The following EPAS1 variants were observed in gnomAD, a reference collection of about 807,000 sequenced individuals.
EPAS1 encodes endothelial PAS domain protein 1.
EPAS1 carries 23 observed loss-of-function variants against 87.9 expected under a neutral mutation model. The ratio of observed to expected loss-of-function variants is 0.26; its 90% confidence interval spans 0.19 to 0.37. The LOEUF (loss-of-function observed/expected upper bound fraction) is 0.37. Among genes scored for constraint, EPAS1 ranks in the 10% least tolerant of loss-of-function variants. The pLI, the probability that EPAS1 is intolerant of heterozygous loss-of-function variation, is 1.00. For synonymous variants in EPAS1, 508 were observed against 444.3 expected, an observed-to-expected ratio of 1.14 and a Z score of -1.80; for missense variants, 1,138 against 1,120.7, an observed-to-expected ratio of 1.02 and a Z score of -0.22.
At chr2:46,355,863 C>A (rs1684258471) in intron 2 of EPAS1, among the ~76,000 whole-genome samples, 1 of 152,206 alleles carries the variant, frequency 6.6e-6, no homozygotes, top group Admixed American at 6.5e-5. Flanking sequence ...CTTGGGAAAA[C>A]TTCCACCCTG....
chr2:46,360,806 G>T lies in EPAS1; in HGVS notation c.573+50G>T. ...GGAGTCCCAGGTGTAGGGTAACGGC[G>T]GTGCAGGGGATGCCTAAGGCCCTAC... On this transcript the variant is annotated intron_variant, in intron 5 of 15. Transcript: ENST00000263734. The surrounding 1 kb of genome is among the most constrained non-coding windows in gnomAD (Gnocchi z 4.5). 2.5e-6 allele frequency: 4 copies of T among 1,611,794 alleles called. No homozygotes were observed. Among genetic ancestry groups the T allele is most frequent in the Non-Finnish European group, 2.5e-6 (3 of 1,177,958 alleles).
chr2:46,383,229 C>T (rs1391581775), intron 15 of EPAS1, among the ~76,000 whole-genome samples: 1 of 152,166 alleles, frequency 6.6e-6, no homozygotes, highest in East Asian at 1.9e-4. Context: ...TTTGGGGTGT[C>T]ACTCTGAGTT....
At position 46,321,339 on chromosome 2, in the gene EPAS1, G is replaced by A. The variant is rs534535989; in HGVS notation, c.26+23402G>A. The stretch of plus-strand genomic sequence containing the variant: ...GGGTGTTGTGAATCATGGTGAACAT[G>A]GTGTACAATTTGAGTCCCTGCTTTC... On this transcript the variant is annotated intron_variant, in intron 1 of 15. Transcript: ENST00000263734. Among the ~76,000 whole-genome samples the A allele has an allele frequency of 8.5e-5, 13 of 152,296 alleles. No homozygotes were observed. The South Asian group carries it at 1.2e-3, about 15-fold the overall frequency.
chr2:46,382,027 A>G lies in EPAS1; in HGVS notation c.2225A>G (p.Asn742Ser). The change falls in exon 14 of 16, where the codon AAC becomes AGC. Residue 742 changes from asparagine to serine, a missense_variant. Coordinates refer to ENST00000263734, the MANE Select transcript of EPAS1 (RefSeq NM_001430.5). ...CATTTGATGTGGAAACGGATGAAGA[A>G]CCTCAGGGGTGGGAGCTGCCCTTTG... ...TSHLMWKRMKNLRGGSCPLMP... is the reference protein window; with the variant it reads ...TSHLMWKRMKSLRGGSCPLMP... 1 of 1,613,852 alleles carries G rather than the reference A, an allele frequency of 6.2e-7. No homozygotes were observed. The highest frequency in any genetic ancestry group is 8.5e-7 in the Non-Finnish European group (1 of 1,179,976).
chr2:46,340,091 C>T (rs971712576), intron 1 of EPAS1, among the ~76,000 whole-genome samples: 1 of 152,152 alleles, frequency 6.6e-6, no homozygotes, highest in East Asian at 1.9e-4. Context: ...TGTGTACACA[C>T]AGCTTTTCCC....
At chr2:46,359,279 A>AAAAAAAAAAAAAAAAAAAATAT in intron 4 of EPAS1, among the ~76,000 whole-genome samples, 1 of 149,546 alleles carries the variant, frequency 6.7e-6, no homozygotes, top group East Asian at 2.0e-4. Context: ...AAAAAAAAAA[A>AAAAAAAAAAAAAAAAAAAATAT]AAGATCAAAT....
intron 1 of EPAS1, among the ~76,000 whole-genome samples, chr2:46,312,656 C>G (rs1683237631): frequency 6.6e-6 from 1 of 151,900 alleles, no homozygotes; most frequent in African/African-American, 2.4e-5. Flanking sequence ...GACTCTTGCT[C>G]TCAGGCCTTT....
At chr2:46,337,864 T>TC (rs1491295338) in intron 1 of EPAS1, among the ~76,000 whole-genome samples, 1 of 152,146 alleles carries the variant, frequency 6.6e-6, no homozygotes, top group East Asian at 1.9e-4. Flanking sequence ...CTTTTTTTTT[T>TC]CTTTTTCTTT....
At position 46,380,042 on chromosome 2, in the gene EPAS1, GGTC is replaced by G; in HGVS notation, c.1555-182_1555-180del. ...GGGGGAAGGCTGGTACATGATACAA[GGTC>G]GTGTACATGACACAGCCAAGTCTGA... On this transcript the variant is annotated intron_variant, in intron 11 of 15. Transcript: ENST00000263734. The surrounding 1 kb of genome is among the most constrained non-coding windows in gnomAD (Gnocchi z 4.4). 1.2e-6 allele frequency: 1 copy of G among 855,214 alleles called. No homozygotes were observed. Among genetic ancestry groups the G allele is most frequent in the Non-Finnish European group, 1.9e-6 (1 of 515,330 alleles). 53.0% of individuals were successfully genotyped at this position (855,214 alleles called of 1,614,324 possible).
At chr2:46,307,331 G>A (rs1185604042) in intron 1 of EPAS1, among the ~76,000 whole-genome samples, 3 of 152,164 alleles carry the variant, frequency 2.0e-5, no homozygotes, top group Non-Finnish European at 1.5e-5. Flanking sequence ...TTCACCTTTA[G>A]AACCTTTATT....
chr2:46,368,270 T>A (rs1442125792), intron 6 of EPAS1, among the ~76,000 whole-genome samples: 1 of 152,144 alleles, frequency 6.6e-6, no homozygotes, highest in African/African-American at 2.4e-5. Flanking sequence ...CTTTAGCTGG[T>A]CCTGGAGGTG....
intron 2 of EPAS1, among the ~76,000 whole-genome samples, chr2:46,351,502 C>T (rs1349675476): frequency 6.6e-6 from 1 of 152,116 alleles, no homozygotes; most frequent in African/African-American, 2.4e-5. Flanking sequence ...ATCCAGTAAG[C>T]GATCCCAGAG....
chr2:46,354,429 GAA>G (rs1208270962), intron 2 of EPAS1, among the ~76,000 whole-genome samples: 2 of 151,978 alleles, frequency 1.3e-5, no homozygotes, highest in Admixed American at 6.6e-5. Context: ...GTTAAATAAT[GAA>G]CTAGGAGAAG....
chr2:46,353,281 G>T (rs1558598866), intron 2 of EPAS1, among the ~76,000 whole-genome samples: 1 of 152,180 alleles, frequency 6.6e-6, no homozygotes, highest in Non-Finnish European at 1.5e-5. Flanking sequence ...CTCAGCATGT[G>T]GTCCTATGAG....
chr2:46,344,916 G>A (rs1179542947), intron 1 of EPAS1, among the ~76,000 whole-genome samples: 3 of 152,208 alleles, frequency 2.0e-5, no homozygotes, highest in Non-Finnish European at 2.9e-5. Flanking sequence ...GAAGTATGTT[G>A]TAAAATCAAA....
chr2:46,298,514 G>A (rs1572608700), intron 1 of EPAS1, among the ~76,000 whole-genome samples: 1 of 152,356 alleles, frequency 6.6e-6, no homozygotes, highest in South Asian at 2.1e-4. Context: ...CCCCACCGAA[G>A]GTTGGAGAAC....
At position 46,336,140 on chromosome 2, in the gene EPAS1, A is replaced by T. The variant is rs1309383734; in HGVS notation, c.27-10733A>T. 6.6e-5 allele frequency among the ~76,000 whole-genome samples: 10 copies of T among 152,298 alleles called. No homozygotes were observed. The East Asian group carries it at 1.5e-3, about 24-fold the overall frequency. The stretch of plus-strand genomic sequence containing the variant: ...GGGGATGGAGGCCAAGGCAGCTGGG[A>T]TCACTTTTTCTTTCCTCCTTGAGAG... On this transcript the variant is annotated intron_variant, in intron 1 of 15. Coordinates refer to ENST00000263734, the MANE Select transcript of EPAS1 (RefSeq NM_001430.5).
intron 10 of EPAS1, among the ~76,000 whole-genome samples, chr2:46,378,350 GT>G (rs766921576): frequency 2.6e-5 from 4 of 152,246 alleles, no homozygotes; most frequent in Non-Finnish European, 5.9e-5. Context: ...CATCCCGTAT[GT>G]GGCACAGAGC....
chr2:46,308,444 C>T (rs1218076567), intron 1 of EPAS1, among the ~76,000 whole-genome samples: 2 of 131,454 alleles, frequency 1.5e-5, no homozygotes, highest in Middle Eastern at 5.6e-3. Context: ...GCCCTAATAC[C>T]TTGCTTGCTT....
Sources: gnomAD v4.1 joint callset for allele counts (sites outside exome capture counted in the v4.1 genomes callset) on GRCh38, gnomAD v4.1.1 for gene constraint, Gnocchi (gnomAD v3.1) non-coding constraint, MANE v1.5 for transcripts, NCBI Gene and HGNC (gene_info 2026-07-23, HGNC 2026-07-21) for gene names.